The following DOCK5 variants were observed in gnomAD, a reference collection of about 807,000 sequenced individuals.
DOCK5 encodes the protein dedicator of cytokinesis 5, also known as dedicator of cytokinesis protein 5.
In DOCK5, 142 loss-of-function variants were observed where a neutral mutation model predicts 251.8. The observed-to-expected ratio is 0.56, with a 90% confidence interval of 0.49 to 0.65. The LOEUF is 0.65. DOCK5 is among the 30% of genes least tolerant of loss of function. The pLI is 0.00. For missense variants in DOCK5, 2,111 were observed against 2,312.3 expected, an observed-to-expected ratio of 0.91 and a Z score of 1.79; for synonymous variants, 842 against 835.5, an observed-to-expected ratio of 1.01 and a Z score of -0.13.
At chr8:25,392,474 A>G (rs1801278612) in intron 43 of DOCK5, among the ~76,000 whole-genome samples, 1 of 152,098 alleles carries the variant, frequency 6.6e-6, no homozygotes, top group Non-Finnish European at 1.5e-5. Context: ...TCTCCATGGA[A>G]AATGCTAGAC....
At chr8:25,262,040 C>T (rs1375392531) in intron 2 of DOCK5, among the ~76,000 whole-genome samples, 5 of 152,134 alleles carry the variant, frequency 3.3e-5, no homozygotes, top group African/African-American at 1.2e-4. Context: ...CATTGATGTA[C>T]ATTTTGATGT....
chr8:25,207,972 G>A (rs530591501), intron 1 of DOCK5, among the ~76,000 whole-genome samples: 2 of 152,254 alleles, frequency 1.3e-5, no homozygotes, highest in South Asian at 2.1e-4. Context: ...ATGTTTCATG[G>A]GAGGAGGTCA....
At chr8:25,254,773 C>CAAAAAA (rs745860086) in intron 2 of DOCK5, among the ~76,000 whole-genome samples, 380 of 6,558 alleles carry the variant, frequency 0.058, 161 homozygotes, top group Admixed American at 0.17. Flanking sequence ...GACTTTGTCT[C>CAAAAAA]AAAAAAAAAC....
chr8:25,250,500 C>T lies in DOCK5; in HGVS notation c.127+6743C>T, dbSNP rs149257883. The stretch of plus-strand genomic sequence containing the variant: ...CGAGGTAGCTGTTTATTACTGTGAA[C>T]GTTCCTTTCCACCCCAGATCCATGG... On this transcript the variant is annotated intron_variant, in intron 2 of 51. Transcript: ENST00000276440. Among the ~76,000 whole-genome samples, 31 of 152,272 alleles carry T rather than the reference C, an allele frequency of 2.0e-4. No individual in the cohort carries two copies. The East Asian group carries it at 4.2e-3, about 21-fold the overall frequency.
At chr8:25,390,315 A>G in intron 42 of DOCK5, 28 bp downstream of exon 42, 1 of 1,538,880 alleles carries the variant, frequency 6.5e-7, no homozygotes, top group Non-Finnish European at 8.8e-7. Flanking sequence ...TAAAAAAAAA[A>G]AAAATCTGTG....
intron 22 of DOCK5, among the ~76,000 whole-genome samples, chr8:25,338,588 T>G (rs972432258): frequency 6.6e-6 from 1 of 152,232 alleles, no homozygotes; most frequent in African/African-American, 2.4e-5. Context: ...GGCAGTGTTT[T>G]CCCCACACAT....
chr8:25,228,619 C>T (rs1201221481), intron 1 of DOCK5, among the ~76,000 whole-genome samples: 1 of 152,166 alleles, frequency 6.6e-6, no homozygotes, highest in Non-Finnish European at 1.5e-5. Context: ...GGGTTGTTGC[C>T]ATGGGAAGGG....
Position 25,317,209 on chromosome 8 carries a change from ATTC to A in DOCK5, c.1443+84_1443+86del, listed in dbSNP as rs1183972173. The A allele has an allele frequency of 9.0e-6, 14 of 1,560,522 alleles. No homozygotes were observed. The Admixed American group carries it at 9.3e-5, about 10-fold the overall frequency. On this transcript the variant is annotated intron_variant, in intron 14 of 51. Transcript: ENST00000276440. ...ACGATAGAATCTTGGCCGTATTTTAATTCTTCTTTGCATCAGGATGGGTTTGAT... is the reference window on the plus strand; with the variant it reads ...ACGATAGAATCTTGGCCGTATTTTAATTCTTTGCATCAGGATGGGTTTGAT...
chr8:25,230,897 A>G (rs1229353574), intron 1 of DOCK5, among the ~76,000 whole-genome samples: 2 of 152,128 alleles, frequency 1.3e-5, no homozygotes, highest in Non-Finnish European at 2.9e-5. Context: ...TGCGAAGAGT[A>G]TGAAGAAGAA....
chr8:25,359,080 TCCTGGTAA>T lies in DOCK5; in HGVS notation c.2949+24_2949+31del, dbSNP rs1271411300. 6.2e-7 allele frequency: 1 copy of T among 1,604,684 alleles called. No homozygotes were observed. The highest frequency in any genetic ancestry group is 1.7e-5 in the Admixed American group (1 of 60,012). On this transcript the variant is annotated intron_variant, in intron 28 of 51. Transcript: ENST00000276440. ...CATCATCGTAAGTTGCCTTTACTGG[TCCTGGTAA>T]CCTGAAGACTTCTTAAATTTGGTTT...
chr8:25,202,531 A>C (rs1801905286), intron 1 of DOCK5, among the ~76,000 whole-genome samples: 1 of 152,036 alleles, frequency 6.6e-6, no homozygotes, highest in African/African-American at 2.4e-5. Flanking sequence ...TGGCTAACCC[A>C]CCTCACTGTT....
intron 1 of DOCK5, among the ~76,000 whole-genome samples, chr8:25,193,747 C>G (rs1290388648): frequency 1.3e-5 from 2 of 150,598 alleles, no homozygotes; most frequent in African/African-American, 4.9e-5. Context: ...CCTGGGTGAG[C>G]GAGTGAGACC....
intron 51 of DOCK5, among the ~76,000 whole-genome samples, chr8:25,410,748 T>G (rs1801608273): frequency 6.8e-6 from 1 of 147,722 alleles, no homozygotes; most frequent in African/African-American, 2.5e-5. Flanking sequence ...ATTACAGATG[T>G]GAGCCACTGC....
Position 25,243,723 on chromosome 8 carries a change from C to T in DOCK5, c.93C>T (p.Ile31=), listed in dbSNP as rs751118171. 3.2e-4 allele frequency: 519 copies of T among 1,613,602 alleles called. 1 individual carries two copies. The highest frequency in any genetic ancestry group is 2.9e-3 in the East Asian group (132 of 44,884). The change falls in exon 2 of 52, where the codon ATC becomes ATT. Residue 31 remains isoleucine, a synonymous_variant. Transcript: ENST00000276440. ...ASQDVELSLQ[I]GDTVHILEMY... is the part of the protein sequence containing the mutation. Reference sequence around the variant, plus strand: ...AAGATGTGGAGCTCTCCTTGCAGATCGGTGACACAGTTCACATCCTGGAGA... The same window carrying T: ...AAGATGTGGAGCTCTCCTTGCAGATTGGTGACACAGTTCACATCCTGGAGA...
chr8:25,320,865 ACT>A, intron 15 of DOCK5, 113 bp from the exon 16 acceptor site: 1 of 828,500 alleles, frequency 1.2e-6, no homozygotes. Flanking sequence ...ACCAAATCTC[ACT>A]CTCTAGTAAT....
intron 2 of DOCK5, among the ~76,000 whole-genome samples, chr8:25,252,704 C>T (rs1431474894): frequency 1.3e-5 from 2 of 152,088 alleles, no homozygotes; most frequent in African/African-American, 4.8e-5. Flanking sequence ...GGGTGTTTAC[C>T]AGAGAAATTA....
chr8:25,246,704 TTGTGTGTG>T (rs55963570), intron 2 of DOCK5, among the ~76,000 whole-genome samples: 1,393 of 89,572 alleles, frequency 0.016, 14 homozygotes, highest in Admixed American at 0.025. Flanking sequence ...CCATGTTAGT[TTGTGTGTG>T]TGTGTGTGTG....
At chr8:25,312,404 GTTTTGTT>G (rs1805124266) in intron 13 of DOCK5, among the ~76,000 whole-genome samples, 1 of 152,054 alleles carries the variant, frequency 6.6e-6, no homozygotes, top group African/African-American at 2.4e-5. Context: ...ATTTAGTTTT[GTTTTGTT>G]TTTTAAGTCA....
At chr8:25,300,372 G>A (rs1427816730) in intron 8 of DOCK5, among the ~76,000 whole-genome samples, 2 of 152,138 alleles carry the variant, frequency 1.3e-5, no homozygotes, top group African/African-American at 2.4e-5. Context: ...GCCACAGCAG[G>A]GACGCTTCTC....
Sources: allele counts gnomAD v4.1 joint callset (sites outside exome capture counted in the v4.1 genomes callset), GRCh38; gene constraint gnomAD v4.1.1; transcripts MANE v1.5; gene names NCBI Gene and HGNC (gene_info 2026-07-23, HGNC 2026-07-21).